UBAP2: variants seen among roughly 807,000 people sequenced by gnomAD.
The protein encoded by UBAP2 is ubiquitin associated protein 2.
In UBAP2, 75 loss-of-function variants were observed where a neutral mutation model predicts 139.6. The observed-to-expected ratio is 0.54, with a 90% CI of 0.45 to 0.65. The LOEUF is 0.65. UBAP2 is among the 30% of genes least tolerant of loss of function. UBAP2 has a pLI of 0.00. For synonymous variants in UBAP2, 526 were observed against 526.2 expected (o/e 1.00, Z 0.01); for missense variants, 1,368 against 1,369.6 (o/e 1.00, Z 0.02).
intron 1 of UBAP2, among the ~76,000 whole-genome samples, chr9:34,037,799 G>A (rs1826570369): frequency 6.6e-6 from 1 of 151,992 alleles, no homozygotes; most frequent in Non-Finnish European, 1.5e-5. Context: ...GATGGGAAAA[G>A]AGGCTATAAA....
Position 33,964,385 on chromosome 9 carries a change from A to T in UBAP2, c.680-594T>A, listed in dbSNP as rs1827293781. On this transcript the variant is annotated intron_variant, in intron 8 of 28. Transcript: ENST00000379238. ...CAGCAAGAAATCTGCTACTTTAAATAATAAGTGGGAGGAGATGAAAGAAAA... is the reference window on the plus strand; with the variant it reads ...CAGCAAGAAATCTGCTACTTTAAATTATAAGTGGGAGGAGATGAAAGAAAA... 2.0e-5 allele frequency among the ~76,000 whole-genome samples: 3 copies of T among 152,198 alleles called. No individual in the cohort carries two copies. The South Asian group carries it at 6.2e-4, about 31-fold the overall frequency.
chr9:33,938,450 A>G (rs935598687), intron 16 of UBAP2, among the ~76,000 whole-genome samples: 4 of 152,104 alleles, frequency 2.6e-5, no homozygotes, highest in African/African-American at 9.7e-5. Flanking sequence ...TGTTTAGATT[A>G]TGTAAGAAAT....
intron 1 of UBAP2, among the ~76,000 whole-genome samples, chr9:34,025,015 A>G (rs1275610622): frequency 6.6e-6 from 1 of 152,124 alleles, no homozygotes; most frequent in Non-Finnish European, 1.5e-5. Context: ...ATAATTGTGA[A>G]TCCATTAAAT....
At position 33,945,355 on chromosome 9, in the gene UBAP2, C is replaced by T. The variant is rs563091932; in HGVS notation, c.1271-716G>A. 1.6e-4 allele frequency among the ~76,000 whole-genome samples: 24 copies of T among 151,952 alleles called. 1 individual carries two copies. The East Asian group carries it at 3.7e-3, about 23-fold the overall frequency. ...CTACTAAAAATACAAAAAAATTAGC[C>T]GGGTGTGGTGGTGGGCACCTGTAGT... is the stretch of plus-strand genomic sequence containing the variant. On this transcript the variant is annotated intron_variant, in intron 13 of 28. Coordinates refer to ENST00000379238, the MANE Select transcript of UBAP2 (RefSeq NM_001370062.2).
intron 2 of UBAP2, among the ~76,000 whole-genome samples, chr9:34,002,619 G>A (rs1245100543): frequency 4.0e-5 from 6 of 151,860 alleles, no homozygotes; most frequent in African/African-American, 1.2e-4. Flanking sequence ...CTCATGATCC[G>A]CCCACCTCGG....
intron 17 of UBAP2, among the ~76,000 whole-genome samples, chr9:33,934,888 C>G (rs1824319503): frequency 6.6e-6 from 1 of 152,150 alleles, no homozygotes; most frequent in Non-Finnish European, 1.5e-5. Context: ...CCTTGGCAGC[C>G]CAACAATACC....
intron 17 of UBAP2, 38 bp from the exon 18 acceptor site, chr9:33,933,666 T>G: frequency 1.2e-6 from 2 of 1,607,264 alleles, no homozygotes; most frequent in South Asian, 1.1e-5. Context: ...GCAGATCTGT[T>G]TATTTCTAAA....
intron 18 of UBAP2, 49 bp downstream of exon 18, chr9:33,933,441 G>A: frequency 6.2e-7 from 1 of 1,600,888 alleles, no homozygotes. Flanking sequence ...AGGAGCTCCA[G>A]GACTTGCCCC....
intron 19 of UBAP2, among the ~76,000 whole-genome samples, chr9:33,930,557 T>C (rs1357455556): frequency 6.6e-6 from 1 of 152,116 alleles, no homozygotes; most frequent in Admixed American, 6.6e-5. Context: ...TGAAGGACAC[T>C]GTACATAAAA....
intron 1 of UBAP2, among the ~76,000 whole-genome samples, chr9:34,038,530 C>T (rs1457085082): frequency 6.6e-6 from 1 of 152,226 alleles, no homozygotes; most frequent in Admixed American, 6.5e-5. Flanking sequence ...AGTGATCTGC[C>T]AGCCTAGGCC....
At chr9:34,030,477 G>A (rs1276929425) in intron 1 of UBAP2, among the ~76,000 whole-genome samples, 1 of 151,556 alleles carries the variant, frequency 6.6e-6, no homozygotes, top group East Asian at 2.0e-4. Context: ...AAAAAAACTG[G>A]CCCGGTATGA....
chr9:33,922,464 C>T lies in UBAP2; in HGVS notation c.*40G>A, dbSNP rs1822979146. ...ACGTGCTCGTGTGTTCTCTCCTGCCCAGGATAAGCCTTGCCCCAGCCCACC... is the reference window on the plus strand; with the variant it reads ...ACGTGCTCGTGTGTTCTCTCCTGCCTAGGATAAGCCTTGCCCCAGCCCACC... On this transcript the variant is annotated 3_prime_UTR_variant, in exon 29 of 29. Coordinates refer to ENST00000379238, the MANE Select transcript of UBAP2 (RefSeq NM_001370062.2). 1 of 1,592,642 alleles carries T rather than the reference C, an allele frequency of 6.3e-7. No homozygotes were observed.
At chr9:34,002,380 T>C (rs1468487890) in intron 2 of UBAP2, among the ~76,000 whole-genome samples, 3 of 54,676 alleles carry the variant, frequency 5.5e-5, no homozygotes, top group Non-Finnish European at 1.4e-4. Context: ...ATAGGTGCTT[T>C]TTTTTTTTTT....
chr9:33,962,676 A>ATAAATAAT (rs1564032679), intron 9 of UBAP2, among the ~76,000 whole-genome samples: 1 of 106,616 alleles, frequency 9.4e-6, no homozygotes, highest in Non-Finnish European at 2.0e-5. Flanking sequence ...AAATAAATAA[A>ATAAATAAT]TAAATAATTA....
At chr9:33,966,243 T>G (rs189597805) in intron 8 of UBAP2, among the ~76,000 whole-genome samples, 2 of 150,758 alleles carry the variant, frequency 1.3e-5, no homozygotes, top group East Asian at 3.9e-4. Flanking sequence ...AGGTCAAGAG[T>G]TCAATACTTA....
At position 33,943,425 on chromosome 9, in the gene UBAP2, A is replaced by C; in HGVS notation, c.1710T>G (p.Ser570=). 6.2e-7 allele frequency: 1 copy of C among 1,614,164 alleles called. No homozygotes were observed. The highest frequency in any genetic ancestry group is 1.1e-5 in the South Asian group (1 of 91,082). ...CAAAGGACTAAATTCAGTACCTTAAAGACTTCGAATACAAGCTGATGGGAA... is the reference window on the plus strand; with the variant it reads ...CAAAGGACTAAATTCAGTACCTTAACGACTTCGAATACAAGCTGATGGGAA... ...NQIPISLYSK[S]LSEPLNTSLS... is the part of the protein sequence containing the mutation. Residue 570 remains serine (S), a synonymous_variant, in exon 15 of 29, where the codon TCT becomes TCG. Coordinates refer to ENST00000379238, the MANE Select transcript of UBAP2 (RefSeq NM_001370062.2).
chr9:34,018,352 C>T (rs1180136903), intron 1 of UBAP2, among the ~76,000 whole-genome samples: 1 of 150,480 alleles, frequency 6.6e-6, no homozygotes, highest in Non-Finnish European at 1.5e-5. Context: ...TTTAAAAACA[C>T]AGAAAGCATC....
intron 1 of UBAP2, among the ~76,000 whole-genome samples, chr9:34,037,994 C>T (rs1234100557): frequency 1.0e-4 from 6 of 58,574 alleles, no homozygotes; most frequent in Admixed American, 2.3e-4. Context: ...AACCCTGTCT[C>T]TACAAAAAAA....
chr9:33,984,423 G>A (rs1451205352), intron 6 of UBAP2, among the ~76,000 whole-genome samples: 2 of 152,076 alleles, frequency 1.3e-5, no homozygotes, highest in African/African-American at 4.8e-5. Flanking sequence ...TGAGATTTGG[G>A]ACACTGAGGT....
Sources: allele counts gnomAD v4.1 joint callset (sites outside exome capture counted in the v4.1 genomes callset), GRCh38; gene constraint gnomAD v4.1.1; transcripts MANE v1.5; gene names NCBI Gene and HGNC (gene_info 2026-07-23, HGNC 2026-07-21).